The following BACH2 variants were observed in gnomAD, a reference collection of about 807,000 sequenced individuals.
BACH2 encodes the protein transcription regulator protein BACH2.
Under a neutral mutation model 61.8 loss-of-function variants are expected in BACH2, and 5 were observed. The observed-to-expected ratio is 0.08, with a 90% confidence interval of 0.04 to 0.17. The LOEUF is 0.17. Among genes scored for constraint, BACH2 ranks in the 10% least tolerant of loss-of-function variants. BACH2 has a pLI of 1.00. For missense variants in BACH2, 824 were observed against 1,091.1 expected, an observed-to-expected ratio of 0.76 and a Z score of 3.45; for synonymous variants, 446 against 440.1, an observed-to-expected ratio of 1.01 and a Z score of -0.17.
At chr6:89,942,002 G>C (rs1773461378) in intron 7 of BACH2, among the ~76,000 whole-genome samples, 1 of 152,100 alleles carries the variant, frequency 6.6e-6, no homozygotes, top group Non-Finnish European at 1.5e-5. Context: ...CAGCAGAGCT[G>C]CTGCAACACA....
chr6:90,068,646 T>G (rs1275281295), intron 5 of BACH2, among the ~76,000 whole-genome samples: 1 of 151,906 alleles, frequency 6.6e-6, no homozygotes, highest in Non-Finnish European at 1.5e-5. Flanking sequence ...TTGTTTTTTT[T>G]TTTTGTTTTC....
chr6:90,157,711 T>C (rs1383475560), intron 4 of BACH2, among the ~76,000 whole-genome samples: 4 of 152,120 alleles, frequency 2.6e-5, no homozygotes, highest in Non-Finnish European at 5.9e-5. Flanking sequence ...GATGGCCGCT[T>C]AGAGGAGAGG....
chr6:90,018,524 T>A (rs1475044102), intron 5 of BACH2, among the ~76,000 whole-genome samples: 2 of 152,196 alleles, frequency 1.3e-5, no homozygotes, highest in Admixed American at 1.3e-4. Context: ...GTTTCTATAG[T>A]TGTTTTAGGA....
chr6:90,034,594 A>G (rs1239263249), intron 5 of BACH2, among the ~76,000 whole-genome samples: 1 of 152,236 alleles, frequency 6.6e-6, no homozygotes, highest in Non-Finnish European at 1.5e-5. Context: ...ATTCTGATTA[A>G]TAATTCATTC....
intron 5 of BACH2, among the ~76,000 whole-genome samples, chr6:90,012,278 T>A (rs1263166087): frequency 6.6e-6 from 1 of 152,176 alleles, no homozygotes; most frequent in Non-Finnish European, 1.5e-5. Flanking sequence ...AACTGCCATC[T>A]TAACAATAAT....
At chr6:89,995,835 C>T (rs1271591625) in intron 6 of BACH2, among the ~76,000 whole-genome samples, 1 of 152,286 alleles carries the variant, frequency 6.6e-6, no homozygotes, top group East Asian at 1.9e-4. Flanking sequence ...ACTTGGGAGG[C>T]ATACCCCTTA....
intron 5 of BACH2, among the ~76,000 whole-genome samples, chr6:90,061,496 G>T (rs542474989): frequency 7.2e-5 from 11 of 152,296 alleles, no homozygotes; most frequent in African/African-American, 2.4e-4. Flanking sequence ...AAGTGGACAT[G>T]TCAAGTACCC....
chr6:90,150,840 T>C (rs1374227358), intron 4 of BACH2, among the ~76,000 whole-genome samples: 2 of 152,002 alleles, frequency 1.3e-5, no homozygotes, highest in Non-Finnish European at 2.9e-5. Context: ...AAAACAGTGG[T>C]GGGTTCAGAG....
At chr6:89,932,992 T>C (rs1478477419) in intron 8 of BACH2, 102 bp from the exon 9 acceptor site, 1 of 1,291,570 alleles carries the variant, frequency 7.7e-7, no homozygotes, top group East Asian at 2.4e-5. Flanking sequence ...TCCTCCATTA[T>C]AATGTAACTC....
chr6:90,067,205 G>C (rs776924849), intron 5 of BACH2, among the ~76,000 whole-genome samples: 1 of 152,128 alleles, frequency 6.6e-6, no homozygotes, highest in South Asian at 2.1e-4. Context: ...TAGGGGAAGG[G>C]GAAGGTCGTT....
intron 3 of BACH2, among the ~76,000 whole-genome samples, chr6:90,226,943 G>A (rs889140882): frequency 6.6e-6 from 1 of 152,134 alleles, no homozygotes; most frequent in Non-Finnish European, 1.5e-5. Flanking sequence ...CATTGACTAG[G>A]ATTTGCCATG....
At chr6:90,025,107 A>C (rs1356104245) in intron 5 of BACH2, among the ~76,000 whole-genome samples, 1 of 152,184 alleles carries the variant, frequency 6.6e-6, no homozygotes, top group Non-Finnish European at 1.5e-5. Flanking sequence ...AAAGGAGATG[A>C]AATCAGCGGG....
At chr6:89,986,829 G>C (rs997231153) in intron 6 of BACH2, among the ~76,000 whole-genome samples, 5 of 152,154 alleles carry the variant, frequency 3.3e-5, no homozygotes, top group African/African-American at 1.2e-4. Context: ...GTTTTGATGG[G>C]ATTACAGCTC....
At position 89,931,666 on chromosome 6, in the gene BACH2, C is replaced by G. The variant is rs553837311; in HGVS notation, c.*742G>C. ...ACAAACCTACAATGCTCAAATGACACCACTTGGAGGTGCCAAAACCAAACC... is the reference window on the plus strand; with the variant it reads ...ACAAACCTACAATGCTCAAATGACAGCACTTGGAGGTGCCAAAACCAAACC... On this transcript the variant is annotated 3_prime_UTR_variant, in exon 9 of 9. Transcript: ENST00000257749. 56 of 152,678 alleles carry G rather than the reference C, an allele frequency of 3.7e-4. No individual in the cohort carries two copies. The highest frequency in any genetic ancestry group is 1.3e-3 in the African/African-American group (56 of 41,518). 9.5% of individuals were successfully genotyped at this position (152,678 alleles called of 1,614,324 possible).
intron 5 of BACH2, among the ~76,000 whole-genome samples, chr6:90,044,784 G>A (rs1779705136): frequency 6.6e-6 from 1 of 152,174 alleles, no homozygotes; most frequent in South Asian, 2.1e-4. Context: ...AAGGATTTCA[G>A]CTTAAGTGAC....
At chr6:90,225,950 C>T (rs1030814052) in intron 3 of BACH2, among the ~76,000 whole-genome samples, 2 of 152,084 alleles carry the variant, frequency 1.3e-5, no homozygotes, top group African/African-American at 4.8e-5. Context: ...GTCCTAAGGC[C>T]ACCAGCATTA....
chr6:90,094,270 T>C (rs1259400462), intron 4 of BACH2, among the ~76,000 whole-genome samples: 1 of 152,206 alleles, frequency 6.6e-6, no homozygotes, highest in Non-Finnish European at 1.5e-5. Flanking sequence ...GTAAGGCTGA[T>C]TGAATTCTTT....
At chr6:90,119,987 C>A (rs1246728813) in intron 4 of BACH2, among the ~76,000 whole-genome samples, 2 of 152,200 alleles carry the variant, frequency 1.3e-5, no homozygotes, top group Non-Finnish European at 1.5e-5. Flanking sequence ...TTTTGATGTA[C>A]TAGAAAGACA....
At chr6:90,122,113 G>A (rs1204165863) in intron 4 of BACH2, among the ~76,000 whole-genome samples, 2 of 152,146 alleles carry the variant, frequency 1.3e-5, no homozygotes, top group Non-Finnish European at 2.9e-5. Context: ...TTCTCCTCCT[G>A]TATATTTTGG....
Sources: gnomAD v4.1 joint callset for allele counts (sites outside exome capture counted in the v4.1 genomes callset) on GRCh38, gnomAD v4.1.1 for gene constraint, MANE v1.5 for transcripts, NCBI Gene and HGNC (gene_info 2026-07-23, HGNC 2026-07-21) for gene names.